ALB: variants seen among roughly 807,000 people sequenced by gnomAD.
ALB encodes serum albumin.
Under a neutral mutation model 74.5 loss-of-function variants are expected in ALB, and 37 were observed. The observed-to-expected ratio is 0.50, with a 90% CI of 0.38 to 0.65. The LOEUF is 0.65. Among genes scored for constraint, ALB ranks in the 30% least tolerant of loss-of-function variants. ALB has a pLI of 0.00. For missense variants in ALB, 685 were observed against 718.7 expected (o/e 0.95, Z 0.54); for synonymous variants, 249 against 251.6 (o/e 0.99, Z 0.10).
intron 12 of ALB, 41 bp downstream of exon 12, chr4:73,418,352 T>G: frequency 1.9e-6 from 3 of 1,554,838 alleles, no homozygotes; most frequent in Non-Finnish European, 2.6e-6. Context: ...GTAGTCTTGA[T>G]AGCAAGAACT....
In ALB at chr4:73,409,468, C is replaced by G. The variant is rs769772213; in HGVS notation, c.596C>G (p.Ala199Gly). 5 of 1,613,802 alleles carry G rather than the reference C, an allele frequency of 3.1e-6. No homozygotes were observed. The highest frequency in any genetic ancestry group is 2.7e-5 in the African/African-American group (2 of 74,898). ...GAATGTTGCCAAGCTGCTGATAAAGCTGCCTGCCTGTTGCCAAAGGTATTA... is the reference window on the plus strand; with the variant it reads ...GAATGTTGCCAAGCTGCTGATAAAGGTGCCTGCCTGTTGCCAAAGGTATTA... ...FTECCQAADK[A>G]ACLLPKLDEL... is the part of the protein sequence containing the mutation. The change falls in exon 5 of 15, where the codon GCT becomes GGT. Residue 199 changes from alanine (A) to glycine (G), a missense_variant. Coordinates refer to ENST00000295897, the MANE Select transcript of ALB (RefSeq NM_000477.7).
Position 73,408,631 on chromosome 4 carries a change from C to T in ALB, c.308C>T (p.Thr103Ile). 3 of 1,614,028 alleles carry T rather than the reference C, an allele frequency of 1.9e-6. No homozygotes were observed. Among genetic ancestry groups the T allele is most frequent in the Non-Finnish European group, 2.5e-6 (3 of 1,179,924 alleles). The change falls in exon 4 of 15, where the codon ACT becomes ATT. Residue 103 changes from threonine (T) to isoleucine (I), a missense_variant. Transcript: ENST00000295897. ...LFGDKLCTVA[T>I]LRETYGEMAD... The stretch of plus-strand genomic sequence containing the variant: ...GGAGACAAATTATGCACAGTTGCAA[C>T]TCTTCGTGAAACCTATGGTGAAATG...
chr4:73,418,666 A>T (rs1282290907), intron 12 of ALB, among the ~76,000 whole-genome samples: 1 of 152,202 alleles, frequency 6.6e-6, no homozygotes, highest in Admixed American at 6.5e-5. Flanking sequence ...AGATGTAAAT[A>T]ATTATTTTAA....
rs754902939 is a variant in ALB, at chr4:73,404,308, C to T, written c.-20C>T. ...TGTCCTAGCTTTTCTCTTCTGTCAACCCCACACGCCTTTGGCACAATGAAG... is the reference window on the plus strand; with the variant it reads ...TGTCCTAGCTTTTCTCTTCTGTCAATCCCACACGCCTTTGGCACAATGAAG... On this transcript the variant is annotated 5_prime_UTR_variant, in exon 1 of 15. Transcript: ENST00000295897. 5.0e-6 allele frequency: 8 copies of T among 1,599,094 alleles called. No homozygotes were observed. In the African/African-American group the frequency reaches 9.4e-5, roughly 19 times the overall value.
intron 13 of ALB, among the ~76,000 whole-genome samples, 190 bp from the exon 14 acceptor site, chr4:73,420,064 T>C (rs1719107166): frequency 6.6e-6 from 1 of 152,124 alleles, no homozygotes; most frequent in Non-Finnish European, 1.5e-5. Flanking sequence ...TGACAGTAAC[T>C]TTTTTTTATT....
intron 6 of ALB, among the ~76,000 whole-genome samples, chr4:73,410,885 C>T (rs1718858150): frequency 6.6e-6 from 1 of 152,056 alleles, no homozygotes; most frequent in African/African-American, 2.4e-5. Flanking sequence ...CCCCAATGAT[C>T]TAAAACTATT....
chr4:73,416,464 C>T, intron 10 of ALB, 111 bp downstream of exon 10: 3 of 790,222 alleles, frequency 3.8e-6, no homozygotes, highest in Non-Finnish European at 6.4e-6. Context: ...TTGCATATTT[C>T]TAATCACTCT....
intron 1 of ALB, 124 bp from the exon 2 acceptor site, chr4:73,404,992 C>A: frequency 3.5e-6 from 3 of 867,936 alleles, no homozygotes; most frequent in Non-Finnish European, 5.6e-6. Context: ...CTGTAGGAAT[C>A]AGAGCCCAAT....
At position 73,416,170 on chromosome 4, in the gene ALB, G is replaced by T. The variant is rs534494289; in HGVS notation, c.1192-86G>T. ...GTGGCTTTGAGTAGGAAGAAGAAAG[G>T]ATATCATTCTGACCAGAGGGGTGAA... On this transcript the variant is annotated intron_variant, in intron 9 of 14. Coordinates refer to ENST00000295897, the MANE Select transcript of ALB (RefSeq NM_000477.7). 25 of 943,662 alleles carry T rather than the reference G, an allele frequency of 2.6e-5. No individual in the cohort carries two copies. In the African/African-American group the frequency reaches 3.4e-4, roughly 13 times the overall value. The allele number at this position is 943,662 out of a possible 1,614,324, so 58.5% of individuals were successfully genotyped here. A position where few individuals can be genotyped will look rare whatever the true frequency, so the allele number is the denominator to read the frequency against.
chr4:73,417,774 C>A, intron 11 of ALB, 105 bp downstream of exon 11: 1 of 1,093,248 alleles, frequency 9.1e-7, no homozygotes, highest in Non-Finnish European at 1.3e-6. Context: ...TGTGTGTGTG[C>A]ATGTTTGTGT....
Position 73,406,606 on chromosome 4 carries a change from T to A in ALB, c.138-23T>A, listed in dbSNP as rs995720395. On this transcript the variant is annotated intron_variant, in intron 2 of 14. Transcript: ENST00000295897. Reference sequence around the variant, plus strand: ...CATATTAAAGTTTTATTATACTACATTTTTCTACATCCTTTGTTTCAGGGT... The same window carrying A: ...CATATTAAAGTTTTATTATACTACAATTTTCTACATCCTTTGTTTCAGGGT... The A allele has an allele frequency of 2.5e-6, 4 of 1,612,266 alleles. No individual in the cohort carries two copies. The African/African-American group carries it at 5.3e-5, about 22-fold the overall frequency.
intron 5 of ALB, 111 bp downstream of exon 5, chr4:73,409,598 C>CA (rs1718821261): frequency 7.7e-7 from 1 of 1,295,104 alleles, no homozygotes; most frequent in African/African-American, 1.5e-5. Context: ...CCGACATGGT[C>CA]AAAAAAGCCT....
In ALB at chr4:73,408,788, A is replaced by G. The variant is rs750530526; in HGVS notation, c.465A>G (p.Glu155=). ...DVMCTAFHDN[E]ETFLKKYLYE... ...TGTGCACTGCTTTTCATGACAATGA[A>G]GAGACATTTTTGAAAAAGTAAGTAA... Residue 155 remains glutamate (E), a synonymous_variant, in exon 4 of 15, where the codon GAA becomes GAG. Coordinates refer to ENST00000295897, the MANE Select transcript of ALB (RefSeq NM_000477.7). The G allele has an allele frequency of 1.2e-6, 2 of 1,613,720 alleles. No homozygotes were observed. Among genetic ancestry groups the G allele is most frequent in the East Asian group, 4.5e-5 (2 of 44,866 alleles).
At chr4:73,405,215 A>G in intron 2 of ALB, 42 bp downstream of exon 2, 1 of 1,488,750 alleles carries the variant, frequency 6.7e-7, no homozygotes, top group Non-Finnish European at 9.4e-7. Context: ...TGTTTCTAAT[A>G]GTGTTGTTTA....
intron 3 of ALB, 53 bp downstream of exon 3, chr4:73,406,814 G>A: frequency 6.2e-7 from 1 of 1,602,032 alleles, no homozygotes; most frequent in South Asian, 1.1e-5. Context: ...GTAATCCCAA[G>A]CATTTCAAAG....
Position 73,419,560 on chromosome 4 carries a change from A to G in ALB, c.1706A>G (p.Lys569Arg), listed in dbSNP as rs757783694. The change falls in exon 13 of 15, where the codon AAA becomes AGA. Residue 569 changes from lysine (K) to arginine (R), a missense_variant. Transcript: ENST00000295897. The stretch of plus-strand genomic sequence containing the variant: ...CCCAAGGCAACAAAAGAGCAACTGA[A>G]AGCTGTTATGGATGATTTCGCAGCT... Reference protein sequence around the residue: ...HKPKATKEQLKAVMDDFAAFV... With the variant: ...HKPKATKEQLRAVMDDFAAFV... The G allele has an allele frequency of 7.4e-6, 12 of 1,613,896 alleles. No homozygotes were observed. Among genetic ancestry groups the G allele is most frequent in the Non-Finnish European group, 9.3e-6 (11 of 1,179,958 alleles).
At chr4:73,410,463 T>C (rs1353262387) in intron 6 of ALB, 54 bp downstream of exon 6, 27 of 1,282,392 alleles carry the variant, frequency 2.1e-5, no homozygotes, top group Non-Finnish European at 3.1e-5. Context: ...ATGATAATGC[T>C]TCAGTGACAA....
At position 73,420,303 on chromosome 4, in the gene ALB, A is replaced by C; in HGVS notation, c.*5A>C. 1 of 1,608,690 alleles carries C rather than the reference A, an allele frequency of 6.2e-7. No homozygotes were observed. The highest frequency in any genetic ancestry group is 8.5e-7 in the Non-Finnish European group (1 of 1,175,586). On this transcript the variant is annotated 3_prime_UTR_variant, in exon 14 of 15. Coordinates refer to ENST00000295897, the MANE Select transcript of ALB (RefSeq NM_000477.7). Reference sequence around the variant, plus strand: ...CAAGCTGCCTTAGGCTTATAACATCACATTTAAAAGCATCTCAGGTAACTA... The same window carrying C: ...CAAGCTGCCTTAGGCTTATAACATCCCATTTAAAAGCATCTCAGGTAACTA...
intron 4 of ALB, 152 bp from the exon 5 acceptor site, chr4:73,409,203 G>GAC: frequency 1.3e-6 from 1 of 798,696 alleles, no homozygotes; most frequent in Admixed American, 2.5e-5. Flanking sequence ...CTTAAAGAAT[G>GAC]ACAGAGACAA....
Sources: allele counts gnomAD v4.1 joint callset (sites outside exome capture counted in the v4.1 genomes callset), GRCh38; gene constraint gnomAD v4.1.1; transcripts MANE v1.5; gene names NCBI Gene and HGNC (gene_info 2026-07-23, HGNC 2026-07-21).